Variants in PTK2B observed in about 807,000 individuals in gnomAD.
The protein encoded by PTK2B is protein tyrosine kinase 2 beta.
A neutral mutation model predicts 142.9 loss-of-function variants in PTK2B; 71 were observed. The observed-to-expected ratio is 0.50, with a 90% CI of 0.41 to 0.61. PTK2B has a LOEUF of 0.61. PTK2B is among the 20% of genes least tolerant of loss of function. The pLI is 0.00. For synonymous variants in PTK2B, 519 were observed against 503.4 expected (o/e 1.03, Z -0.42); for missense variants, 1,105 against 1,320.4 (o/e 0.84, Z 2.53).
chr8:27,389,728 G>T (rs1002386535), intron 1 of PTK2B, among the ~76,000 whole-genome samples: 12 of 152,198 alleles, frequency 7.9e-5, no homozygotes, highest in African/African-American at 2.7e-4. Context: ...TCTTTCCTCC[G>T]CAAGGTAATG....
chr8:27,403,170 C>T (rs1437803002), intron 2 of PTK2B, among the ~76,000 whole-genome samples: 4 of 152,146 alleles, frequency 2.6e-5, no homozygotes, highest in African/African-American at 9.7e-5. Context: ...TCTTCCTTTC[C>T]TCATTTTCCC....
rs1380742006 is a variant in PTK2B at position 27,437,749 on chromosome 8, C to T, written c.1528-16C>T. ...GACCAACCAGGGGTCTTGATGGCACCTCCCCATTCCTGCAGCTGGGCCACT... is the reference window on the plus strand; with the variant it reads ...GACCAACCAGGGGTCTTGATGGCACTTCCCCATTCCTGCAGCTGGGCCACT... On this transcript the variant is annotated splice_polypyrimidine_tract_variant and intron_variant, in intron 17 of 30. Coordinates refer to ENST00000346049, the MANE Select transcript of PTK2B (RefSeq NM_173176.3). 5.0e-6 allele frequency: 8 copies of T among 1,600,370 alleles called. No homozygotes were observed. The highest frequency in any genetic ancestry group is 2.2e-5 in the East Asian group (1 of 44,586).
chr8:27,412,598 A>G (rs1283905938), intron 2 of PTK2B, among the ~76,000 whole-genome samples: 2 of 152,096 alleles, frequency 1.3e-5, no homozygotes, highest in Non-Finnish European at 2.9e-5. Context: ...TCTGCCCAGC[A>G]CCAGGCACCT....
chr8:27,394,258 CT>C (rs370659933), intron 1 of PTK2B, among the ~76,000 whole-genome samples: 14 of 152,284 alleles, frequency 9.2e-5, no homozygotes, highest in African/African-American at 3.4e-4. Flanking sequence ...CTCTTTTTGA[CT>C]GTTTTCCCTT....
At chr8:27,397,941 C>T (rs943301077) in intron 2 of PTK2B, among the ~76,000 whole-genome samples, 153 bp downstream of exon 2, 1 of 152,234 alleles carries the variant, frequency 6.6e-6, no homozygotes, top group African/African-American at 2.4e-5. Flanking sequence ...CAGCCTGCAT[C>T]ACCAGGCCTG....
At chr8:27,313,840 C>G (rs1199706481) in intron 3 of PTK2B, among the ~76,000 whole-genome samples, 2 of 152,218 alleles carry the variant, frequency 1.3e-5, no homozygotes, top group Non-Finnish European at 2.9e-5. Flanking sequence ...ATGCCTGGCA[C>G]CTGCTTTAAT....
intron 21 of PTK2B, among the ~76,000 whole-genome samples, chr8:27,442,144 A>G (rs551315358): frequency 3.1e-4 from 47 of 152,226 alleles, no homozygotes; most frequent in Non-Finnish European, 6.3e-4. Context: ...CTGTGTAACA[A>G]TAGTTATATT....
chr8:27,389,788 G>A (rs866997142), intron 1 of PTK2B, among the ~76,000 whole-genome samples: 1 of 152,212 alleles, frequency 6.6e-6, no homozygotes, highest in African/African-American at 2.4e-5. Context: ...TGCTGGACTG[G>A]AGGGCCCTGG....
intron 24 of PTK2B, among the ~76,000 whole-genome samples, chr8:27,446,968 A>G (rs1014950843): frequency 1.3e-5 from 2 of 152,238 alleles, no homozygotes; most frequent in African/African-American, 4.8e-5. Context: ...CTTAACAATA[A>G]TAAACTACAT....
chr8:27,422,313 G>C lies in PTK2B; in HGVS notation c.481G>C (p.Asp161His). ...LLYFYQQLRN[D>H]YMQRYASKVS... ...CCTTTCTCCCCACCAGCTCCGGAAC[G>C]ACTACATGCAGCGCTACGCCAGCAA... The change falls in exon 5 of 31, where the codon GAC becomes CAC. Residue 161 changes from aspartate (D) to histidine (H), a missense_variant. Transcript: ENST00000346049. The C allele has an allele frequency of 6.2e-7, 1 of 1,613,496 alleles. No individual in the cohort carries two copies.
chr8:27,353,885 T>C (rs1164158280), intron 1 of PTK2B, among the ~76,000 whole-genome samples: 1 of 152,106 alleles, frequency 6.6e-6, no homozygotes, highest in East Asian at 1.9e-4. Flanking sequence ...CACACCCCTG[T>C]TTATTGTCCC....
chr8:27,456,906 G>A (rs954005583), intron 30 of PTK2B, among the ~76,000 whole-genome samples: 2 of 152,224 alleles, frequency 1.3e-5, no homozygotes, highest in African/African-American at 4.8e-5. Context: ...TTCTATGAAG[G>A]CTGAGAGAGA....
chr8:27,384,059 A>G (rs1807197107), intron 1 of PTK2B, among the ~76,000 whole-genome samples: 1 of 151,712 alleles, frequency 6.6e-6, no homozygotes, highest in Non-Finnish European at 1.5e-5. Context: ...CATGTTGGTC[A>G]GGCTGATCTC....
chr8:27,327,688 T>C (rs1586083080), intron 1 of PTK2B, among the ~76,000 whole-genome samples: 1 of 152,206 alleles, frequency 6.6e-6, no homozygotes, highest in African/African-American at 2.4e-5. Flanking sequence ...CCTTGGTCAG[T>C]TTATTCATCT....
chr8:27,386,631 G>A (rs1807373917), intron 1 of PTK2B, among the ~76,000 whole-genome samples: 2 of 152,128 alleles, frequency 1.3e-5, no homozygotes, highest in South Asian at 2.1e-4. Context: ...TATCCAATTT[G>A]CATTAAAATG....
intron 28 of PTK2B, 115 bp from the exon 29 acceptor site, chr8:27,454,039 G>A: frequency 2.8e-6 from 4 of 1,409,010 alleles, no homozygotes; most frequent in Non-Finnish European, 9.9e-7. Context: ...CTAAAGAAGA[G>A]TCCTTTCCAA....
intron 2 of PTK2B, among the ~76,000 whole-genome samples, chr8:27,312,902 G>C (rs778305027): frequency 2.0e-5 from 3 of 152,192 alleles, no homozygotes; most frequent in Non-Finnish European, 2.9e-5. Context: ...GGGGTAGAAG[G>C]TGTCTGAGTT....
chr8:27,413,797 A>G (rs1809213303), intron 2 of PTK2B, among the ~76,000 whole-genome samples: 1 of 152,164 alleles, frequency 6.6e-6, no homozygotes, highest in African/African-American at 2.4e-5. Flanking sequence ...TTCATCACCC[A>G]TTGATGAATC....
chr8:27,343,875 C>T lies in PTK2B; in HGVS notation c.-38+18194C>T, dbSNP rs377679048. On this transcript the variant is annotated intron_variant, in intron 1 of 30. Transcript: ENST00000346049. ...AAAATTAGCCAGGTGTGGTGGTGGGCGCCTGTAGTCCCAGCTACTTGGGAG... is the reference window on the plus strand; with the variant it reads ...AAAATTAGCCAGGTGTGGTGGTGGGTGCCTGTAGTCCCAGCTACTTGGGAG... Among the ~76,000 whole-genome samples the T allele has an allele frequency of 1.2e-4, 19 of 152,018 alleles. No homozygotes were observed. In the East Asian group the frequency reaches 2.9e-3, roughly 23 times the overall value.
Sources: gnomAD v4.1 joint callset for allele counts (sites outside exome capture counted in the v4.1 genomes callset) on GRCh38, gnomAD v4.1.1 for gene constraint, MANE v1.5 for transcripts, NCBI Gene and HGNC (gene_info 2026-07-23, HGNC 2026-07-21) for gene names.